PTPRJ: variants seen among roughly 807,000 people sequenced by gnomAD.
PTPRJ encodes receptor-type tyrosine-protein phosphatase eta.
Under a neutral mutation model 141.3 loss-of-function variants are expected in PTPRJ, and 129 were observed. The ratio of observed to expected loss-of-function variants is 0.91; its 90% CI spans 0.79 to 1.06. The LOEUF is 1.06. Among genes scored for constraint, PTPRJ ranks in the 50% least tolerant of loss-of-function variants. PTPRJ has a pLI of 0.00. For missense variants in PTPRJ, 1,601 were observed against 1,679.7 expected (o/e 0.95, Z 0.82); for synonymous variants, 610 against 640.5 (o/e 0.95, Z 0.72).
At chr11:48,086,581 A>T (rs964134825) in intron 1 of PTPRJ, among the ~76,000 whole-genome samples, 2 of 152,206 alleles carry the variant, frequency 1.3e-5, no homozygotes, top group African/African-American at 4.8e-5. Flanking sequence ...ACTGTCTCCA[A>T]CCTGTAGCCT....
At chr11:48,165,565 A>C (rs902705438) in intron 24 of PTPRJ, among the ~76,000 whole-genome samples, 1 of 152,210 alleles carries the variant, frequency 6.6e-6, no homozygotes, top group African/African-American at 2.4e-5. Context: ...TTAGAACTCT[A>C]TGAATATGTG....
intron 1 of PTPRJ, among the ~76,000 whole-genome samples, chr11:48,021,464 G>A (rs376905938): frequency 1.3e-5 from 2 of 151,724 alleles, no homozygotes; most frequent in Admixed American, 1.3e-4. Context: ...AGGTTTATAC[G>A]CAGGCCATTT....
intron 1 of PTPRJ, among the ~76,000 whole-genome samples, chr11:48,038,028 T>C (rs1590426041): frequency 6.6e-6 from 1 of 152,062 alleles, no homozygotes; most frequent in East Asian, 1.9e-4. Flanking sequence ...TTCTTTGCTT[T>C]ATCATTTTAC....
At chr11:47,993,596 G>A (rs79976402) in intron 1 of PTPRJ, among the ~76,000 whole-genome samples, 3,522 of 152,024 alleles carry the variant, frequency 0.023, 141 homozygotes, top group African/African-American at 0.081. Context: ...CCCAGCCTGC[G>A]TCTGTAGTTT....
chr11:48,001,368 G>T (rs1854495379), intron 1 of PTPRJ, among the ~76,000 whole-genome samples: 1 of 151,344 alleles, frequency 6.6e-6, no homozygotes, highest in East Asian at 1.9e-4. Flanking sequence ...GTGTGTGTGT[G>T]TGTGTGTGTG....
intron 3 of PTPRJ, among the ~76,000 whole-genome samples, chr11:48,117,496 G>T (rs185042698): frequency 1.6e-5 from 2 of 121,970 alleles, no homozygotes; most frequent in South Asian, 2.8e-4. Context: ...AGCCGAGATC[G>T]CACCACTGCA....
At chr11:47,981,912 G>A (rs1160414906) in intron 1 of PTPRJ, among the ~76,000 whole-genome samples, 4 of 152,206 alleles carry the variant, frequency 2.6e-5, no homozygotes, top group Non-Finnish European at 5.9e-5. Context: ...GAGCCTGTTG[G>A]GGTTTGAACC....
intron 1 of PTPRJ, among the ~76,000 whole-genome samples, chr11:48,048,203 G>A (rs1854460176): frequency 6.6e-6 from 1 of 152,102 alleles, no homozygotes; most frequent in South Asian, 2.1e-4. Context: ...CCTTGCCTTT[G>A]CTTGGGAGGT....
At chr11:48,080,756 G>A (rs762197009) in intron 1 of PTPRJ, among the ~76,000 whole-genome samples, 1 of 152,158 alleles carries the variant, frequency 6.6e-6, no homozygotes, top group African/African-American at 2.4e-5. Flanking sequence ...CTGACACCCC[G>A]GCAGGATTGA....
chr11:48,097,533 TG>T (rs1856040934), intron 1 of PTPRJ, among the ~76,000 whole-genome samples: 1 of 151,970 alleles, frequency 6.6e-6, no homozygotes, highest in East Asian at 1.9e-4. Flanking sequence ...TGGTTCCACC[TG>T]AAGAAAATTT....
At chr11:48,014,718 T>C (rs936603291) in intron 1 of PTPRJ, 1 of 152,194 alleles carries the variant, frequency 6.6e-6, no homozygotes, top group Admixed American at 6.5e-5. Context: ...TTTTATTTTA[T>C]GACAGTGTTT....
At chr11:48,161,808 G>A (rs1202097770) in intron 22 of PTPRJ, among the ~76,000 whole-genome samples, 1 of 151,976 alleles carries the variant, frequency 6.6e-6, no homozygotes, top group Non-Finnish European at 1.5e-5. Context: ...TAGAGATGGG[G>A]TGTCACCATA....
At chr11:48,033,977 G>C (rs1343325415) in intron 1 of PTPRJ, among the ~76,000 whole-genome samples, 2 of 152,220 alleles carry the variant, frequency 1.3e-5, no homozygotes, top group Non-Finnish European at 2.9e-5. Context: ...GCAAACTGGG[G>C]CATGTGAGGA....
At chr11:47,981,129 C>T in intron 1 of PTPRJ, 121 bp downstream of exon 1, 1 of 1,033,804 alleles carries the variant, frequency 9.7e-7, no homozygotes, top group Non-Finnish European at 1.2e-6. Flanking sequence ...TCCGGATCCC[C>T]GGATCCCCGG....
intron 12 of PTPRJ, 143 bp downstream of exon 12, chr11:48,143,193 G>A (rs1857275253): frequency 1.8e-6 from 2 of 1,142,112 alleles, no homozygotes; most frequent in African/African-American, 1.6e-5. Context: ...AGACAGAGAA[G>A]GAGGGTGAGG....
At chr11:48,162,871 T>C (rs187871093) in intron 22 of PTPRJ, among the ~76,000 whole-genome samples, 186 of 152,266 alleles carry the variant, frequency 1.2e-3, no homozygotes, top group African/African-American at 4.4e-3. Context: ...GATGGTTTTT[T>C]GGGGGAGTCC....
intron 1 of PTPRJ, among the ~76,000 whole-genome samples, chr11:47,989,641 G>GATAGATAT (rs917131037): frequency 1.3e-5 from 2 of 151,882 alleles, no homozygotes; most frequent in African/African-American, 4.8e-5. Flanking sequence ...TCTATAGATA[G>GATAGATAT]ATAGATATAG....
chr11:47,997,083 C>T (rs897117368), intron 1 of PTPRJ, among the ~76,000 whole-genome samples: 1 of 152,218 alleles, frequency 6.6e-6, no homozygotes, highest in Non-Finnish European at 1.5e-5. Context: ...CATCTCAGCC[C>T]TATTGACATT....
At chr11:47,990,994 A>G (rs1748016320) in intron 1 of PTPRJ, among the ~76,000 whole-genome samples, 1 of 152,020 alleles carries the variant, frequency 6.6e-6, no homozygotes, top group Admixed American at 6.6e-5. Flanking sequence ...TGTTGGGATT[A>G]CAGGTGTGAG....
Sources: gnomAD v4.1 joint callset for allele counts (sites outside exome capture counted in the v4.1 genomes callset) on GRCh38, gnomAD v4.1.1 for gene constraint, MANE v1.5 for transcripts, NCBI Gene and HGNC (gene_info 2026-07-23, HGNC 2026-07-21) for gene names.